The following SLC24A2 variants were observed in gnomAD, a reference collection of about 807,000 sequenced individuals.
The protein encoded by SLC24A2 is solute carrier family 24 member 2, also known as sodium/potassium/calcium exchanger 2.
SLC24A2 carries 36 observed loss-of-function variants against 62.0 expected under a neutral mutation model. The observed-to-expected ratio is 0.58, with a 90% CI of 0.44 to 0.77. The LOEUF is 0.77. Among genes scored for constraint, SLC24A2 ranks in the 30% least tolerant of loss-of-function variants. The pLI is 0.00. For missense variants in SLC24A2, 846 were observed against 817.9 expected, an observed-to-expected ratio of 1.03 and a Z score of -0.42; for synonymous variants, 358 against 294.0, an observed-to-expected ratio of 1.22 and a Z score of -2.23.
At chr9:20,267,802 A>AT in the SLC24A2 span, among the ~76,000 whole-genome samples, 1 of 152,214 alleles carries the variant, frequency 6.6e-6, no homozygotes, top group African/African-American at 2.4e-5. Context: ...TCAAGTATCT[A>AT]TAAAGGGCCT....
the SLC24A2 span, among the ~76,000 whole-genome samples, chr9:19,934,843 C>T: frequency 1.3e-5 from 2 of 152,018 alleles, no homozygotes; most frequent in African/African-American, 4.8e-5. The surrounding 1 kb of genome is among the most constrained non-coding windows in gnomAD (Gnocchi z 4.1). Flanking sequence ...CTGTCTTCTC[C>T]TCCAGGGAAA....
chr9:19,587,535 C>CTTT (rs1431997674), intron 5 of SLC24A2, among the ~76,000 whole-genome samples: 2 of 152,162 alleles, frequency 1.3e-5, no homozygotes, highest in African/African-American at 4.8e-5. Flanking sequence ...GAGTCCTTAA[C>CTTT]TAAAGGCTTA....
At chr9:19,607,852 A>G (rs1426987688) in intron 4 of SLC24A2, among the ~76,000 whole-genome samples, 1 of 152,314 alleles carries the variant, frequency 6.6e-6, no homozygotes, top group East Asian at 1.9e-4. Flanking sequence ...TTATTTCAGT[A>G]AGACAATTCA....
At chr9:19,785,652 G>C (rs1699459286) in intron 2 of SLC24A2, among the ~76,000 whole-genome samples, 1 of 152,178 alleles carries the variant, frequency 6.6e-6, no homozygotes, top group African/African-American at 2.4e-5. Context: ...GAAAATAAGA[G>C]ACAAATAACT....
chr9:19,851,004 C>T, the SLC24A2 span, among the ~76,000 whole-genome samples: 449 of 29,340 alleles, frequency 0.015, 22 homozygotes, highest in African/African-American at 0.033. Flanking sequence ...TATATATACA[C>T]ATACATATAT....
chr9:19,549,210 A>G (rs1296553392), intron 8 of SLC24A2, among the ~76,000 whole-genome samples: 1 of 152,248 alleles, frequency 6.6e-6, no homozygotes, highest in African/African-American at 2.4e-5. Context: ...ATGTTCAAGA[A>G]AATGTGAGTA....
the SLC24A2 span, among the ~76,000 whole-genome samples, chr9:20,157,580 G>A: frequency 3.3e-5 from 5 of 151,792 alleles, no homozygotes; most frequent in Admixed American, 3.3e-4. Flanking sequence ...ACTTTAAAGT[G>A]AGAGATACTG....
the SLC24A2 span, among the ~76,000 whole-genome samples, chr9:20,035,193 G>C: frequency 2.0e-5 from 3 of 152,120 alleles, no homozygotes; most frequent in East Asian, 5.8e-4. Flanking sequence ...ATCCACAACA[G>C]TTAGGTATGA....
the SLC24A2 span, among the ~76,000 whole-genome samples, chr9:20,219,223 G>T: frequency 6.6e-6 from 1 of 152,140 alleles, no homozygotes; most frequent in African/African-American, 2.4e-5. Context: ...GTGTATACTT[G>T]CTAGTGAGAT....
At chr9:19,576,182 G>A (rs1009567121) in intron 6 of SLC24A2, among the ~76,000 whole-genome samples, 2 of 152,160 alleles carry the variant, frequency 1.3e-5, no homozygotes, top group African/African-American at 4.8e-5. Context: ...AATTTTGTCT[G>A]CAGATAATTT....
chr9:19,937,715 C>T, the SLC24A2 span, among the ~76,000 whole-genome samples: 7 of 152,134 alleles, frequency 4.6e-5, no homozygotes, highest in African/African-American at 1.7e-4. Context: ...TGTGTCTATG[C>T]AAACGAAGTG....
chr9:19,990,434 A>AC, the SLC24A2 span, among the ~76,000 whole-genome samples: 5 of 151,688 alleles, frequency 3.3e-5, no homozygotes, highest in African/African-American at 1.2e-4. Flanking sequence ...ACATGGTGAA[A>AC]CCCCGTCTCT....
chr9:20,229,345 A>G, the SLC24A2 span, among the ~76,000 whole-genome samples: 9 of 152,184 alleles, frequency 5.9e-5, no homozygotes, highest in Non-Finnish European at 1.3e-4. Flanking sequence ...TATGGTATGA[A>G]TATCTACCTC....
intron 2 of SLC24A2, among the ~76,000 whole-genome samples, chr9:19,624,841 A>C (rs1817994582): frequency 6.6e-6 from 1 of 152,220 alleles, no homozygotes; most frequent in Non-Finnish European, 1.5e-5. Context: ...GGGCTCACCC[A>C]CATCTACTGA....
rs567667696 is a variant in SLC24A2 at position 19,708,355 on chromosome 9, C to T, written c.930+77582G>A. 4.5e-3 allele frequency among the ~76,000 whole-genome samples: 683 copies of T among 152,104 alleles called. 9 individuals are homozygous for T. The highest frequency in any genetic ancestry group is 0.015 in the African/African-American group (621 of 41,460). On this transcript the variant is annotated intron_variant, in intron 2 of 10. Coordinates refer to ENST00000341998, the MANE Select transcript of SLC24A2 (RefSeq NM_020344.4). Reference sequence around the variant, plus strand: ...CCAAGGTAATTTATAGATTCAATGCCATCCCCATCAAGCTACCAATGACTT... The same window carrying T: ...CCAAGGTAATTTATAGATTCAATGCTATCCCCATCAAGCTACCAATGACTT...
At chr9:19,731,303 G>T (rs1006194689) in intron 2 of SLC24A2, among the ~76,000 whole-genome samples, 2 of 152,154 alleles carry the variant, frequency 1.3e-5, no homozygotes, top group African/African-American at 2.4e-5. Flanking sequence ...TTCTTGTGAG[G>T]ATTATACATA....
intron 2 of SLC24A2, among the ~76,000 whole-genome samples, chr9:19,727,479 A>G (rs1017090367): frequency 6.6e-6 from 1 of 152,056 alleles, no homozygotes; most frequent in African/African-American, 2.4e-5. Flanking sequence ...TTTATTTTGT[A>G]CTGTCTTCCC....
At chr9:19,999,212 C>G in the SLC24A2 span, among the ~76,000 whole-genome samples, 1 of 152,246 alleles carries the variant, frequency 6.6e-6, no homozygotes, top group Admixed American at 6.5e-5. Flanking sequence ...CTTCGCCTCC[C>G]TGGCTGGAAG....
the SLC24A2 span, among the ~76,000 whole-genome samples, chr9:20,293,129 G>C: frequency 1.2e-4 from 19 of 152,178 alleles, no homozygotes; most frequent in African/African-American, 4.6e-4. Flanking sequence ...AGTCATATTG[G>C]ATTAGGGACC....
Sources: allele counts gnomAD v4.1 joint callset (sites outside exome capture counted in the v4.1 genomes callset), GRCh38; gene constraint gnomAD v4.1.1; non-coding constraint Gnocchi (gnomAD v3.1); transcripts MANE v1.5; gene names NCBI Gene and HGNC (gene_info 2026-07-23, HGNC 2026-07-21).